Variants in DTNB observed in about 807,000 individuals in gnomAD.
The protein encoded by DTNB is dystrobrevin beta.
Under a neutral mutation model 90.7 loss-of-function variants are expected in DTNB, and 63 were observed. The observed-to-expected ratio is 0.69, with a 90% confidence interval of 0.57 to 0.86. The LOEUF is 0.86. Among genes scored for constraint, DTNB ranks in the 40% least tolerant of loss-of-function variants. DTNB has a pLI of 0.00. For missense variants in DTNB, 744 were observed against 807.1 expected (o/e 0.92, Z 0.95); for synonymous variants, 277 against 286.7 (o/e 0.97, Z 0.34).
chr2:25,484,702 C>G (rs973851536), intron 9 of DTNB, among the ~76,000 whole-genome samples: 1 of 152,160 alleles, frequency 6.6e-6, no homozygotes, highest in African/African-American at 2.4e-5. Context: ...GCTTATTGTT[C>G]TACATTCCTC....
At chr2:25,609,665 C>T (rs1218867243) in intron 4 of DTNB, among the ~76,000 whole-genome samples, 995 of 40,974 alleles carry the variant, frequency 0.024, 12 homozygotes, top group African/African-American at 0.05. Flanking sequence ...TGTACACACA[C>T]ACACACACAC....
intron 16 of DTNB, among the ~76,000 whole-genome samples, chr2:25,406,718 T>C (rs1340826673): frequency 1.3e-5 from 2 of 152,138 alleles, no homozygotes; most frequent in Non-Finnish European, 2.9e-5. Context: ...TGAGGGTGAC[T>C]TAGTCATGAG....
intron 12 of DTNB, among the ~76,000 whole-genome samples, chr2:25,444,274 AT>A (rs1401091957): frequency 6.6e-6 from 1 of 152,136 alleles, no homozygotes; most frequent in Non-Finnish European, 1.5e-5. Flanking sequence ...CACACCTGTA[AT>A]CCCAGCACTT....
At chr2:25,596,000 C>G in intron 6 of DTNB, 86 bp downstream of exon 6, 2 of 1,237,490 alleles carry the variant, frequency 1.6e-6, no homozygotes, top group East Asian at 8.2e-5. Flanking sequence ...CCTTACTAGA[C>G]TGGAAGCAAT....
At chr2:25,481,119 C>A (rs765775061) in intron 10 of DTNB, among the ~76,000 whole-genome samples, 13 of 151,910 alleles carry the variant, frequency 8.6e-5, no homozygotes, top group Non-Finnish European at 1.5e-4. Context: ...GAAAACAAGG[C>A]CAGGTATGGT....
chr2:25,630,844 CAAAAAAAAAAAAA>C (rs1169600129), intron 3 of DTNB, among the ~76,000 whole-genome samples: 4 of 62,920 alleles, frequency 6.4e-5, no homozygotes, highest in Admixed American at 2.1e-4. Context: ...AACTCCGTCC[CAAAAAAAAAAAAA>C]AAAAAAAAAA....
intron 8 of DTNB, among the ~76,000 whole-genome samples, chr2:25,571,277 T>A (rs914334843): frequency 3.3e-5 from 5 of 152,230 alleles, no homozygotes; most frequent in African/African-American, 1.2e-4. Context: ...TCTCTGCTCC[T>A]CTCTTTCTTT....
intron 16 of DTNB, among the ~76,000 whole-genome samples, chr2:25,414,773 G>C (rs775426429): frequency 4.6e-5 from 7 of 152,126 alleles, no homozygotes; most frequent in Admixed American, 2.6e-4. Flanking sequence ...CTGTATGGCA[G>C]GCTGGGCTAC....
At chr2:25,577,674 A>G (rs2060906204) in intron 7 of DTNB, among the ~76,000 whole-genome samples, 1 of 152,132 alleles carries the variant, frequency 6.6e-6, no homozygotes. Context: ...TCCTCTGACA[A>G]TTCAACTCTG....
intron 9 of DTNB, among the ~76,000 whole-genome samples, chr2:25,507,375 C>T (rs1359042874): frequency 1.3e-5 from 2 of 152,094 alleles, no homozygotes; most frequent in African/African-American, 4.8e-5. Context: ...ATACAAACTC[C>T]CTATCTGACA....
chr2:25,615,736 A>G (rs2070199966), intron 4 of DTNB, among the ~76,000 whole-genome samples: 1 of 152,206 alleles, frequency 6.6e-6, no homozygotes, highest in Admixed American at 6.5e-5. Context: ...GCAGACCAAC[A>G]TGTATATTTC....
At chr2:25,513,626 G>C (rs1475246782) in intron 9 of DTNB, among the ~76,000 whole-genome samples, 1 of 151,958 alleles carries the variant, frequency 6.6e-6, no homozygotes, top group Non-Finnish European at 1.5e-5. Context: ...GGAAGGCTGA[G>C]GCAGGAGAAC....
intron 18 of DTNB, among the ~76,000 whole-genome samples, chr2:25,384,652 G>A (rs1042135323): frequency 1.3e-5 from 2 of 152,190 alleles, no homozygotes; most frequent in Admixed American, 6.5e-5. Flanking sequence ...CATCCAACCC[G>A]TGAAAGGCGA....
intron 9 of DTNB, among the ~76,000 whole-genome samples, chr2:25,499,777 T>C (rs566502984): frequency 2.6e-5 from 4 of 152,374 alleles, no homozygotes; most frequent in East Asian, 1.9e-4. Flanking sequence ...TCTGTCTTCA[T>C]TGCATTCACA....
Position 25,486,046 on chromosome 2 carries a change from C to T in DTNB, c.1002-3173G>A, listed in dbSNP as rs185462861. 5.1e-3 allele frequency among the ~76,000 whole-genome samples: 770 copies of T among 151,684 alleles called. 4 individuals carry two copies. The highest frequency in any genetic ancestry group is 9.0e-3 in the Non-Finnish European group (614 of 67,944). On this transcript the variant is annotated intron_variant, in intron 9 of 20. Transcript: ENST00000406818. ...TTGAGGCAGGAGAATAGCTTGAACCCGGGAGGCGGAGGTTGCAGTGAGCCA... is the reference window on the plus strand; with the variant it reads ...TTGAGGCAGGAGAATAGCTTGAACCTGGGAGGCGGAGGTTGCAGTGAGCCA...
At chr2:25,408,705 A>T (rs1042642818) in intron 16 of DTNB, among the ~76,000 whole-genome samples, 11 of 152,172 alleles carry the variant, frequency 7.2e-5, no homozygotes, top group Non-Finnish European at 1.6e-4. Flanking sequence ...AATGGAGAAG[A>T]GTGTAAGAGT....
chr2:25,446,413 T>TG (rs901778356), intron 12 of DTNB, among the ~76,000 whole-genome samples: 20 of 152,044 alleles, frequency 1.3e-4, no homozygotes, highest in African/African-American at 4.3e-4. Flanking sequence ...TTTTTGTTTT[T>TG]TTTTTCTAAC....
At chr2:25,516,628 G>A (rs1449958873) in intron 9 of DTNB, among the ~76,000 whole-genome samples, 2 of 151,372 alleles carry the variant, frequency 1.3e-5, no homozygotes, top group South Asian at 2.1e-4. Context: ...GGTGGCTCAC[G>A]CCTGTAATCC....
chr2:25,669,436 T>C (rs2085295901), intron 1 of DTNB, among the ~76,000 whole-genome samples: 2 of 152,096 alleles, frequency 1.3e-5, no homozygotes, highest in Admixed American at 6.6e-5. Context: ...GAATATATCA[T>C]TAACACCATG....
Sources: gnomAD v4.1 joint callset for allele counts (sites outside exome capture counted in the v4.1 genomes callset) on GRCh38, gnomAD v4.1.1 for gene constraint, MANE v1.5 for transcripts, NCBI Gene and HGNC (gene_info 2026-07-23, HGNC 2026-07-21) for gene names.